PSD3: variants seen among roughly 807,000 people sequenced by gnomAD.
PSD3 encodes the protein pleckstrin and Sec7 domain containing 3, also known as PH and SEC7 domain-containing protein 3.
A neutral mutation model predicts 105.5 loss-of-function variants in PSD3; 49 were observed. That is an observed-to-expected ratio of 0.46 (90% confidence interval 0.37 to 0.59). The LOEUF is 0.59. Among genes scored for constraint, PSD3 ranks in the 20% least tolerant of loss-of-function variants. The pLI is 0.00. For synonymous variants in PSD3, 557 were observed against 457.8 expected (o/e 1.22, Z -2.77); for missense variants, 1,561 against 1,263.8 (o/e 1.24, Z -3.57).
At chr8:18,982,751 A>C (rs1399339868) in intron 1 of PSD3, among the ~76,000 whole-genome samples, 1 of 152,206 alleles carries the variant, frequency 6.6e-6, no homozygotes, top group African/African-American at 2.4e-5. Context: ...ATATTCAGTA[A>C]ACCATGCTGC....
chr8:18,821,981 C>T (rs1418853029), intron 4 of PSD3, among the ~76,000 whole-genome samples: 2 of 151,932 alleles, frequency 1.3e-5, no homozygotes, highest in Non-Finnish European at 2.9e-5. Flanking sequence ...CTTCTAAGCC[C>T]CCGACTGCAG....
chr8:18,758,748 A>T (rs1313739559), intron 9 of PSD3, among the ~76,000 whole-genome samples: 2 of 152,074 alleles, frequency 1.3e-5, no homozygotes, highest in Admixed American at 6.5e-5. Context: ...ATTTTCACAA[A>T]TTATTTTTCC....
intron 11 of PSD3, among the ~76,000 whole-genome samples, chr8:18,605,110 C>G (rs1199943185): frequency 6.6e-6 from 1 of 152,110 alleles, no homozygotes; most frequent in East Asian, 1.9e-4. Context: ...CCATTGTCCT[C>G]CAGACCTCAG....
intron 12 of PSD3, among the ~76,000 whole-genome samples, chr8:18,595,868 G>C (rs1177230160): frequency 6.6e-6 from 1 of 151,908 alleles, no homozygotes; most frequent in East Asian, 1.9e-4. Flanking sequence ...GACTAATAAA[G>C]AAACAGAGAA....
intron 2 of PSD3, among the ~76,000 whole-genome samples, chr8:18,890,117 T>C (rs1021216031): frequency 1.3e-5 from 2 of 152,204 alleles, no homozygotes; most frequent in African/African-American, 2.4e-5. Context: ...TCTGTTTTAT[T>C]GTTACCTTTT....
chr8:18,563,245 G>C (rs753550843), intron 14 of PSD3, among the ~76,000 whole-genome samples: 4 of 152,126 alleles, frequency 2.6e-5, no homozygotes, highest in Non-Finnish European at 5.9e-5. Context: ...AGAAGTTGAG[G>C]GCCAAGGCAA....
intron 9 of PSD3, among the ~76,000 whole-genome samples, chr8:18,762,091 C>T (rs1190734152): frequency 6.6e-6 from 1 of 152,080 alleles, no homozygotes; most frequent in African/African-American, 2.4e-5. Context: ...GTGTCCCCAC[C>T]AAAACTCATG....
At chr8:18,887,956 G>T (rs948419664) in intron 2 of PSD3, among the ~76,000 whole-genome samples, 1 of 152,140 alleles carries the variant, frequency 6.6e-6, no homozygotes, top group Non-Finnish European at 1.5e-5. Flanking sequence ...TTTTATAGAT[G>T]AAACTACTAA....
chr8:18,586,779 C>T (rs1332150210), intron 12 of PSD3, among the ~76,000 whole-genome samples: 3 of 152,176 alleles, frequency 2.0e-5, no homozygotes, highest in East Asian at 3.9e-4. Context: ...CGTTGGCAGC[C>T]GCAAGGGGGA....
At chr8:18,999,162 ATAATAACCCTT>A (rs1826237008) in intron 1 of PSD3, among the ~76,000 whole-genome samples, 1 of 151,982 alleles carries the variant, frequency 6.6e-6, no homozygotes, top group Non-Finnish European at 1.5e-5. Context: ...TCTCTACCTT[ATAATAACCCTT>A]TTCATTCCTT....
intron 4 of PSD3, among the ~76,000 whole-genome samples, chr8:18,862,262 T>C (rs1263036148): frequency 6.6e-6 from 1 of 152,046 alleles, no homozygotes. Flanking sequence ...AGATTTTATG[T>C]ATTTATTCAA....
In PSD3 at chr8:18,844,035, G is replaced by A. The variant is rs543694458; in HGVS notation, c.1634+23639C>T. Among the ~76,000 whole-genome samples the A allele has an allele frequency of 1.6e-4, 25 of 151,756 alleles. No homozygotes were observed. The South Asian group carries it at 5.2e-3, about 32-fold the overall frequency. On this transcript the variant is annotated intron_variant, in intron 4 of 15. Coordinates refer to ENST00000327040, the MANE Select transcript of PSD3 (RefSeq NM_015310.4). ...AACCCTACACAAGGTTCTGTCCATT[G>A]GGTTTTGAGTTCTGGTCCCACAAGA...
chr8:18,766,886 G>T (rs540645052), intron 8 of PSD3, among the ~76,000 whole-genome samples: 103 of 152,306 alleles, frequency 6.8e-4, no homozygotes, highest in African/African-American at 2.3e-3. Context: ...TAACCTTCAG[G>T]AGCTGGAATC....
In PSD3 at chr8:18,600,128, G is replaced by A. The variant is rs368877782; in HGVS notation, c.2481+236C>T. On this transcript the variant is annotated intron_variant, in intron 12 of 15. Coordinates refer to ENST00000327040, the MANE Select transcript of PSD3 (RefSeq NM_015310.4). Reference sequence around the variant, plus strand: ...ATGCTGGACAAAGGGATGATTCACAGCTGGTCAGGATGCAGCAGGATTGAG... The same window carrying A: ...ATGCTGGACAAAGGGATGATTCACAACTGGTCAGGATGCAGCAGGATTGAG... Among the ~76,000 whole-genome samples the A allele has an allele frequency of 6.6e-5, 10 of 152,194 alleles. No homozygotes were observed. In the South Asian group the frequency reaches 2.1e-3, roughly 32 times the overall value.
intron 12 of PSD3, among the ~76,000 whole-genome samples, chr8:18,595,841 A>G (rs1043250796): frequency 3.9e-5 from 6 of 152,110 alleles, no homozygotes; most frequent in East Asian, 3.8e-4. Flanking sequence ...TATAATGTAC[A>G]GAACTTCTAG....
At chr8:18,832,907 G>A (rs749369381) in intron 4 of PSD3, among the ~76,000 whole-genome samples, 14 of 152,088 alleles carry the variant, frequency 9.2e-5, no homozygotes, top group South Asian at 4.2e-4. Context: ...CATGACACAC[G>A]GGGATTATGG....
chr8:18,935,638 G>A (rs555173925), intron 2 of PSD3, among the ~76,000 whole-genome samples: 2 of 151,062 alleles, frequency 1.3e-5, no homozygotes, highest in East Asian at 1.9e-4. Flanking sequence ...CAAGGCTGCA[G>A]TAAGCTAGGA....
intron 1 of PSD3, among the ~76,000 whole-genome samples, chr8:18,970,344 A>AAAAAAAAAAG (rs1563474672): frequency 2.7e-5 from 4 of 148,410 alleles, no homozygotes; most frequent in African/African-American, 1.0e-4. Flanking sequence ...AAAAAAAAAA[A>AAAAAAAAAAG]AAAACAAAGA....
At chr8:18,980,708 C>A (rs897064873) in intron 1 of PSD3, among the ~76,000 whole-genome samples, 15 of 152,072 alleles carry the variant, frequency 9.9e-5, no homozygotes, top group African/African-American at 3.4e-4. Context: ...TGCTTTTGGG[C>A]TTTCATTATC....
Sources: allele counts gnomAD v4.1 joint callset (sites outside exome capture counted in the v4.1 genomes callset), GRCh38; gene constraint gnomAD v4.1.1; transcripts MANE v1.5; gene names NCBI Gene and HGNC (gene_info 2026-07-23, HGNC 2026-07-21).